The following MACROD2 variants were observed in gnomAD, a reference collection of about 807,000 sequenced individuals.
MACROD2 encodes mono-ADP ribosylhydrolase 2.
A neutral mutation model predicts 70.4 loss-of-function variants in MACROD2; 36 were observed. The observed-to-expected ratio is 0.51, with a 90% CI of 0.39 to 0.68. MACROD2 has a LOEUF of 0.68. Among genes scored for constraint, MACROD2 ranks in the 30% least tolerant of loss-of-function variants. MACROD2 has a pLI of 0.00. For missense variants in MACROD2, 496 were observed against 538.4 expected, an observed-to-expected ratio of 0.92 and a Z score of 0.78; for synonymous variants, 172 against 178.8, an observed-to-expected ratio of 0.96 and a Z score of 0.30.
rs574034072 is a variant in MACROD2, at chr20:15,350,244, TC to T, written c.541-81160del. Among the ~76,000 whole-genome samples the T allele has an allele frequency of 5.1e-3, 770 of 152,324 alleles. 6 individuals carry two copies. Among genetic ancestry groups the T allele is most frequent in the Non-Finnish European group, 8.3e-3 (563 of 68,038 alleles). The stretch of plus-strand genomic sequence containing the variant: ...CTAGTCTTCAATAAGGCTGCAGTGA[TC>T]ATAATGATAATGTTGTTCACAGGCA... On this transcript the variant is annotated intron_variant, in intron 6 of 17. Coordinates refer to ENST00000684519, the MANE Select transcript of MACROD2 (RefSeq NM_001351661.2).
intron 5 of MACROD2, among the ~76,000 whole-genome samples, chr20:15,099,079 A>G (rs1392227895): frequency 6.6e-6 from 1 of 152,224 alleles, no homozygotes; most frequent in Non-Finnish European, 1.5e-5. Context: ...CATGTAATAC[A>G]TGTCTGAACT....
intron 4 of MACROD2, among the ~76,000 whole-genome samples, chr20:14,540,391 T>A (rs2085417637): frequency 6.6e-6 from 1 of 152,224 alleles, no homozygotes; most frequent in African/African-American, 2.4e-5. Flanking sequence ...TATTTCACTG[T>A]GTGCTTCCAA....
chr20:14,044,619 A>C (rs1014025174), intron 2 of MACROD2, among the ~76,000 whole-genome samples: 2 of 152,156 alleles, frequency 1.3e-5, no homozygotes, highest in African/African-American at 4.8e-5. Flanking sequence ...CCACGTCCCC[A>C]CTAGATTAGC....
chr20:15,732,457 T>C (rs182191525), intron 8 of MACROD2, among the ~76,000 whole-genome samples: 1 of 152,340 alleles, frequency 6.6e-6, no homozygotes, highest in Admixed American at 6.5e-5. Context: ...GGTCCGATGT[T>C]CCCTTCTATT....
rs10678216 is a variant in MACROD2, at chr20:15,898,549, T to TAAA, written c.775+12757_775+12759dup. ...CTGGGCCACAGAGCAAGACTCAGTCTAAAAAAAAAAAAAAAAAAAAACAAA... is the reference window on the plus strand; with the variant it reads ...CTGGGCCACAGAGCAAGACTCAGTCTAAAAAAAAAAAAAAAAAAAAAAAACAAA... On this transcript the variant is annotated intron_variant, in intron 10 of 17. Coordinates refer to ENST00000684519, the MANE Select transcript of MACROD2 (RefSeq NM_001351661.2). Among the ~76,000 whole-genome samples the TAAA allele has an allele frequency of 6.6e-3, 623 of 94,142 alleles. 13 individuals are homozygous for TAAA. Among genetic ancestry groups the TAAA allele is most frequent in the South Asian group, 0.026 (56 of 2,146 alleles). The allele number at this position is 94,142 out of a possible 152,430, so 61.8% of individuals were successfully genotyped here.
intron 5 of MACROD2, among the ~76,000 whole-genome samples, chr20:14,715,471 A>T (rs1163746583): frequency 1.3e-5 from 2 of 152,218 alleles, no homozygotes; most frequent in African/African-American, 2.4e-5. Flanking sequence ...GTTACATAGT[A>T]TTGGAATTAT....
intron 4 of MACROD2, among the ~76,000 whole-genome samples, chr20:14,668,180 T>G (rs1451205513): frequency 1.3e-5 from 2 of 151,992 alleles, no homozygotes; most frequent in African/African-American, 2.4e-5. Context: ...CTCTCACTTT[T>G]CACTAAATAA....
chr20:15,132,759 T>A (rs540308586), intron 5 of MACROD2, among the ~76,000 whole-genome samples: 1 of 151,964 alleles, frequency 6.6e-6, no homozygotes, highest in African/African-American at 2.4e-5. Flanking sequence ...GAAAATAATA[T>A]TCACGGCAAT....
At chr20:14,938,304 C>T (rs2074359041) in intron 5 of MACROD2, among the ~76,000 whole-genome samples, 1 of 152,104 alleles carries the variant, frequency 6.6e-6, no homozygotes, top group African/African-American at 2.4e-5. Flanking sequence ...ATTTACATTT[C>T]TGCCAACAAT....
rs527868097 is a variant in MACROD2, at chr20:14,271,762, T to C, written c.271+186034T>C. Among the ~76,000 whole-genome samples the C allele has an allele frequency of 4.4e-3, 673 of 152,114 alleles. 7 individuals carry two copies. Among genetic ancestry groups the C allele is most frequent in the African/African-American group, 0.015 (637 of 41,494 alleles). ...AAACTTTGAAAAAAATTTAGACAAATGTATAACTAGAATAACCAATACAGA... is the reference window on the plus strand; with the variant it reads ...AAACTTTGAAAAAAATTTAGACAAACGTATAACTAGAATAACCAATACAGA... On this transcript the variant is annotated intron_variant, in intron 3 of 17. Transcript: ENST00000684519.
chr20:14,279,773 T>C (rs1405689824), intron 3 of MACROD2, among the ~76,000 whole-genome samples: 1 of 152,174 alleles, frequency 6.6e-6, no homozygotes, highest in African/African-American at 2.4e-5. Flanking sequence ...TGTGAAAGCA[T>C]AGATTTTTTT....
chr20:15,850,721 C>T (rs139043137), intron 8 of MACROD2, among the ~76,000 whole-genome samples: 88 of 152,250 alleles, frequency 5.8e-4, no homozygotes, highest in Middle Eastern at 6.8e-3. Flanking sequence ...CGGTTGCCCT[C>T]GGAGCCAGTT....
intron 8 of MACROD2, among the ~76,000 whole-genome samples, chr20:15,673,150 G>A (rs2050006255): frequency 6.6e-6 from 1 of 152,134 alleles, no homozygotes; most frequent in South Asian, 2.1e-4. Flanking sequence ...ACCACATGGA[G>A]CTCCAGAATG....
At chr20:14,381,995 A>G (rs1282518046) in intron 3 of MACROD2, among the ~76,000 whole-genome samples, 1 of 152,108 alleles carries the variant, frequency 6.6e-6, no homozygotes, top group South Asian at 2.1e-4. Context: ...TCCAAAATCA[A>G]ACTTGGGCAA....
chr20:14,003,593 TG>T, intron 2 of MACROD2: 1 of 428,084 alleles, frequency 2.3e-6, no homozygotes, highest in South Asian at 2.1e-5. Context: ...CCTGATCACG[TG>T]AGCATCATGG....
chr20:14,933,748 G>A (rs2074316609), intron 5 of MACROD2: 1 of 151,910 alleles, frequency 6.6e-6, no homozygotes, highest in African/African-American at 2.4e-5. Flanking sequence ...ATTAATATCT[G>A]CAGAAAATAG....
intron 3 of MACROD2, among the ~76,000 whole-genome samples, chr20:14,149,204 T>C (rs1485646392): frequency 6.6e-6 from 1 of 151,622 alleles, no homozygotes; most frequent in East Asian, 1.9e-4. Context: ...TTTTTTTTTT[T>C]TGAGTACCCA....
intron 5 of MACROD2, among the ~76,000 whole-genome samples, chr20:15,068,732 A>T (rs2075596781): frequency 6.6e-6 from 1 of 152,212 alleles, no homozygotes. Context: ...CAGAACTGTC[A>T]GCCAAATACA....
At chr20:14,978,161 A>G (rs998355192) in intron 5 of MACROD2, among the ~76,000 whole-genome samples, 7 of 152,116 alleles carry the variant, frequency 4.6e-5, no homozygotes, top group African/African-American at 2.4e-5. Flanking sequence ...ATAACATAAG[A>G]TCAACTGTTT....
Sources: allele counts gnomAD v4.1 joint callset (sites outside exome capture counted in the v4.1 genomes callset), GRCh38; gene constraint gnomAD v4.1.1; transcripts MANE v1.5; gene names NCBI Gene and HGNC (gene_info 2026-07-23, HGNC 2026-07-21).